Variants in NOL10 observed in about 807,000 individuals in gnomAD.
NOL10 encodes the protein nucleolar protein 10.
In NOL10, 58 loss-of-function variants were observed where a neutral mutation model predicts 103.5. The observed-to-expected ratio is 0.56, with a 90% CI of 0.45 to 0.70. The LOEUF is 0.70. Among genes scored for constraint, NOL10 ranks in the 30% least tolerant of loss-of-function variants. NOL10 has a pLI of 0.00. For synonymous variants in NOL10, 287 were observed against 282.5 expected (o/e 1.02, Z -0.16); for missense variants, 763 against 807.3 (o/e 0.95, Z 0.67).
At chr2:10,669,742 A>G (rs1680808660) in intron 6 of NOL10, among the ~76,000 whole-genome samples, 1 of 151,532 alleles carries the variant, frequency 6.6e-6, no homozygotes, top group Admixed American at 6.6e-5. Flanking sequence ...AAATACAAAA[A>G]TTACCTGGGC....
intron 12 of NOL10, among the ~76,000 whole-genome samples, chr2:10,652,176 G>A (rs1679511461): frequency 6.6e-6 from 1 of 151,730 alleles, no homozygotes; most frequent in Non-Finnish European, 1.5e-5. Context: ...GGAGGGGGAG[G>A]TTGAAGTGAG....
At chr2:10,577,844 T>G (rs1011231871) in intron 19 of NOL10, 106 bp from the exon 20 acceptor site, 3 of 699,746 alleles carry the variant, frequency 4.3e-6, no homozygotes, top group African/African-American at 3.6e-5. Context: ...TGTTTACACA[T>G]GTAAACAGAA....
At chr2:10,621,073 C>T (rs1041688322) in intron 13 of NOL10, among the ~76,000 whole-genome samples, 1 of 152,072 alleles carries the variant, frequency 6.6e-6, no homozygotes, top group Non-Finnish European at 1.5e-5. Flanking sequence ...GGATTACAGG[C>T]GTGCGTCACT....
At position 10,639,847 on chromosome 2, in the gene NOL10, A is replaced by T. The variant is rs559249853; in HGVS notation, c.1026+4473T>A. On this transcript the variant is annotated intron_variant, in intron 13 of 20. Transcript: ENST00000381685. ...TGGTCTCTGAGAGAATTAAAAAAAT[A>T]AAAATAAAAATAAAAAATAAGGAAA... is the stretch of plus-strand genomic sequence containing the variant. 3.9e-5 allele frequency among the ~76,000 whole-genome samples: 6 copies of T among 152,280 alleles called. No individual in the cohort carries two copies. In the South Asian group the frequency reaches 1.2e-3, roughly 32 times the overall value.
Position 10,607,167 on chromosome 2 carries a change from T to G in NOL10, c.1153+18A>C. ...AATAAAGTAATTACATAATATTTCA[T>G]CACAATTTTTTTTTTACCTAAATTT... On this transcript the variant is annotated intron_variant, in intron 14 of 20. Transcript: ENST00000381685. 6.7e-7 allele frequency: 1 copy of G among 1,498,112 alleles called. No individual in the cohort carries two copies. The highest frequency in any genetic ancestry group is 9.1e-7 in the Non-Finnish European group (1 of 1,104,890). 92.8% of individuals were successfully genotyped at this position (1,498,112 alleles called of 1,614,324 possible).
Position 10,689,913 on chromosome 2 carries a change from G to A in NOL10, c.-52C>T. 1.3e-6 allele frequency: 2 copies of A among 1,541,188 alleles called. No individual in the cohort carries two copies. Among genetic ancestry groups the A allele is most frequent in the Non-Finnish European group, 1.8e-6 (2 of 1,133,044 alleles). ...CGGGTCCTTTCCCACCAGCGTGCTC[G>A]AGCACCGTAATCCCGGGACCTCCGA... On this transcript the variant is annotated 5_prime_UTR_variant, in exon 1 of 21. Coordinates refer to ENST00000381685, the MANE Select transcript of NOL10 (RefSeq NM_024894.4).
At chr2:10,684,143 G>A (rs534996001) in intron 2 of NOL10, among the ~76,000 whole-genome samples, 7 of 152,090 alleles carry the variant, frequency 4.6e-5, no homozygotes, top group South Asian at 2.1e-4. Context: ...TTAGCCGGGC[G>A]TGGTGGCTTG....
At chr2:10,654,578 A>G (rs1679699406) in intron 11 of NOL10, 31 bp from the exon 12 acceptor site, 1 of 1,458,942 alleles carries the variant, frequency 6.9e-7, no homozygotes, top group African/African-American at 1.4e-5. Flanking sequence ...CGAAGTATTA[A>G]AAGTTAAAGA....
chr2:10,655,067 G>A (rs757528625), intron 11 of NOL10, among the ~76,000 whole-genome samples: 24 of 151,836 alleles, frequency 1.6e-4, no homozygotes, highest in Non-Finnish European at 3.2e-4. Context: ...AAAATTAGCC[G>A]GGCATCGTGG....
chr2:10,589,113 A>G lies in NOL10; in HGVS notation c.1774T>C (p.Phe592Leu). The change falls in exon 19 of 21, where the codon TTT (phenylalanine) becomes CTT (leucine). Residue 592 changes from phenylalanine to leucine, a missense_variant. Physicochemically the swap from Phe to Leu is conservative, Grantham distance 22 (BLOSUM62 0). Coordinates refer to ENST00000381685, the MANE Select transcript of NOL10 (RefSeq NM_024894.4). The part of the protein sequence containing the change: ...EDQQTVLKPQ[F>L]YEIKAGEEFR... Reference sequence around the variant, plus strand: ...TCTTCTCCTGCTTTGATCTCATAAAACTGGGGCTTTAGGACTGTCTGCTGG... The same window carrying G: ...TCTTCTCCTGCTTTGATCTCATAAAGCTGGGGCTTTAGGACTGTCTGCTGG... The G allele has an allele frequency of 3.1e-6, 5 of 1,613,890 alleles. No homozygotes were observed. The Admixed American group carries it at 6.7e-5, about 22-fold the overall frequency.
chr2:10,687,804 A>C (rs1682322134), intron 1 of NOL10, among the ~76,000 whole-genome samples: 1 of 152,174 alleles, frequency 6.6e-6, no homozygotes, highest in African/African-American at 2.4e-5. Context: ...AAATACAAAA[A>C]TTAGCTGGTG....
At chr2:10,589,970 C>G (rs1303232650) in intron 17 of NOL10, among the ~76,000 whole-genome samples, 1 of 152,154 alleles carries the variant, frequency 6.6e-6, no homozygotes, top group African/African-American at 2.4e-5. Flanking sequence ...TGCAGATGCT[C>G]TACACCACTT....
At chr2:10,688,182 A>G (rs1200684274) in intron 1 of NOL10, among the ~76,000 whole-genome samples, 1 of 152,166 alleles carries the variant, frequency 6.6e-6, no homozygotes, top group Non-Finnish European at 1.5e-5. Context: ...CTTCTTTGTT[A>G]CCAGGCAAGC....
Position 10,637,557 on chromosome 2 carries a change from C to T in NOL10, c.1026+6763G>A, listed in dbSNP as rs573944635. ...ATGGCGTCAGAAGGCCTCACCTCTG[C>T]GGGGAGTGTGCTACCTACTCAGCTG... On this transcript the variant is annotated intron_variant, in intron 13 of 20. Coordinates refer to ENST00000381685, the MANE Select transcript of NOL10 (RefSeq NM_024894.4). 7.4e-4 allele frequency among the ~76,000 whole-genome samples: 112 copies of T among 152,254 alleles called. 1 individual carries two copies. The highest frequency in any genetic ancestry group is 2.5e-3 in the African/African-American group (102 of 41,548).
intron 17 of NOL10, among the ~76,000 whole-genome samples, chr2:10,598,089 G>C (rs1277141345): frequency 6.6e-6 from 1 of 152,178 alleles, no homozygotes; most frequent in Non-Finnish European, 1.5e-5. Context: ...AAGAATACCA[G>C]GTGCCCCAAC....
At chr2:10,603,786 T>C (rs1367024518) in intron 14 of NOL10, among the ~76,000 whole-genome samples, 1 of 152,178 alleles carries the variant, frequency 6.6e-6, no homozygotes, top group African/African-American at 2.4e-5. Context: ...AGGTTACACT[T>C]AGAATTTGTG....
chr2:10,616,223 T>A (rs966321976), intron 13 of NOL10, among the ~76,000 whole-genome samples: 3 of 25,816 alleles, frequency 1.2e-4, no homozygotes, highest in Admixed American at 3.5e-4. Context: ...CTGCATTTTT[T>A]TTTTTTTTTT....
At chr2:10,638,978 C>CT (rs1337078337) in intron 13 of NOL10, among the ~76,000 whole-genome samples, 3 of 150,756 alleles carry the variant, frequency 2.0e-5, no homozygotes, top group African/African-American at 7.3e-5. Flanking sequence ...AATTTTTGTA[C>CT]TTTCAGTAGA....
At position 10,638,442 on chromosome 2, in the gene NOL10, AAAAAAC is replaced by A. The variant is rs557418541; in HGVS notation, c.1026+5872_1026+5877del. ...CTTAAATAGTGACATTAAAAAAAGA[AAAAAAC>A]AAAAACAAAGCACATACCCTTATAG... On this transcript the variant is annotated intron_variant, in intron 13 of 20. Transcript: ENST00000381685. 2.6e-3 allele frequency among the ~76,000 whole-genome samples: 390 copies of A among 151,752 alleles called. 2 individuals carry two copies. The highest frequency in any genetic ancestry group is 9.1e-3 in the African/African-American group (377 of 41,266).
Sources: gnomAD v4.1 joint callset for allele counts (sites outside exome capture counted in the v4.1 genomes callset) on GRCh38, gnomAD v4.1.1 for gene constraint, MANE v1.5 for transcripts, NCBI Gene and HGNC (gene_info 2026-07-23, HGNC 2026-07-21) for gene names.